Variants in PDIA2 observed in about 807,000 individuals in gnomAD.
PDIA2 encodes protein disulfide-isomerase A2.
Under a neutral mutation model 51.1 loss-of-function variants are expected in PDIA2, and 76 were observed. The observed-to-expected ratio is 1.49, with a 90% confidence interval of 1.24 to 1.80. PDIA2 has a LOEUF of 1.80. Among genes scored for constraint, PDIA2 ranks in the 40% most tolerant of loss-of-function variants. The pLI, the probability that PDIA2 is intolerant of heterozygous loss-of-function variation, is 0.00. For synonymous variants in PDIA2, 429 were observed against 309.9 expected, an observed-to-expected ratio of 1.38 and a Z score of -4.04; for missense variants, 946 against 706.5, an observed-to-expected ratio of 1.34 and a Z score of -3.84.
chr16:285,442 TGGGG>T lies in PDIA2; in HGVS notation c.921+8_921+11del. The T allele has an allele frequency of 8.6e-7, 1 of 1,156,934 alleles. No homozygotes were observed. The highest frequency in any genetic ancestry group is 1.6e-5 in the African/African-American group (1 of 61,192). 71.7% of individuals were successfully genotyped at this position (1,156,934 alleles called of 1,614,324 possible). A position where few individuals can be genotyped will look rare whatever the true frequency, so the allele number is the denominator to read the frequency against. ...GCTCCCCGCTTCCGGGGGCAGGTAC[TGGGG>T]GGCTGGGGGAAAGGGGCAGCGGGAG... is the stretch of plus-strand genomic sequence containing the variant. On this transcript the variant is annotated splice_donor_region_variant and intron_variant, in intron 6 of 10. Transcript: ENST00000219406.
chr16:283,546 G>C (rs932543931), intron 1 of PDIA2, among the ~76,000 whole-genome samples, 178 bp downstream of exon 1: 8 of 152,236 alleles, frequency 5.3e-5, no homozygotes, highest in Non-Finnish European at 1.0e-4. Context: ...GGTTGGGGCA[G>C]GCAGGAGCAG....
Position 284,608 on chromosome 16 carries a change from G to A in PDIA2, c.406+15G>A, listed in dbSNP as rs199533662. On this transcript the variant is annotated intron_variant, in intron 2 of 10. Coordinates refer to ENST00000219406, the MANE Select transcript of PDIA2 (RefSeq NM_006849.4). Reference sequence around the variant, plus strand: ...GGAGTACACAGGTGAGGGGCAGGCCGGTCATTGGGGGGGCGGTGGCCAGGC... The same window carrying A: ...GGAGTACACAGGTGAGGGGCAGGCCAGTCATTGGGGGGGCGGTGGCCAGGC... 7.2e-5 allele frequency: 116 copies of A among 1,607,144 alleles called. 1 individual carries two copies. The highest frequency in any genetic ancestry group is 8.9e-5 in the East Asian group (4 of 44,800).
intron 7 of PDIA2, 43 bp from the exon 8 acceptor site, chr16:286,310 T>C (rs1596948489): frequency 3.6e-6 from 4 of 1,125,936 alleles, no homozygotes; most frequent in Non-Finnish European, 3.5e-6. Flanking sequence ...TCCTGAACCC[T>C]GCAGAGGACC....
Position 285,166 on chromosome 16 carries a change from A to G in PDIA2, c.761A>G (p.His254Arg), listed in dbSNP as rs773839873. 6.2e-7 allele frequency: 1 copy of G among 1,612,868 alleles called. No homozygotes were observed. The highest frequency in any genetic ancestry group is 8.5e-7 in the Non-Finnish European group (1 of 1,179,974). ...LGDLSRFLVT[H>R]SMRLVTEFNS... ...GATCTGTCGCGCTTCCTGGTCACAC[A>G]CAGCATGCGCCTGGTCACGGAGTTC... The change falls in exon 5 of 11, where the codon CAC (histidine) becomes CGC (arginine). Residue 254 changes from histidine to arginine, a missense_variant. Coordinates refer to ENST00000219406, the MANE Select transcript of PDIA2 (RefSeq NM_006849.4).
Position 283,196 on chromosome 16 carries a change from G to A in PDIA2, c.27G>A (p.Leu9=), listed in dbSNP as rs1282810623. MSRQLLPV[L]LLLLLRASCP... ...TGAGCCGCCAGCTTCTGCCTGTACT[G>A]CTGCTGCTGCTGCTCAGGGCTTCGT... The change falls in exon 1 of 11, where the codon CTG becomes CTA. Residue 9 remains leucine, a synonymous_variant. Transcript: ENST00000219406. The A allele has an allele frequency of 3.2e-6, 5 of 1,557,624 alleles. No homozygotes were observed. The highest frequency in any genetic ancestry group is 1.9e-5 in the Admixed American group (1 of 53,342).
Position 286,872 on chromosome 16 carries a change from TC to T in PDIA2, c.1461del (p.Ser488ProfsTer66). ...AAAAGCACCAGGGACCTGGAGACTT[TC>T]TCCAAGTTCCTGGACAACGGGGGCG... ...EYKSTRDLET[F>X]SKFLDNGGVL... On this transcript the variant is annotated frameshift_variant, in exon 10 of 11. Coordinates refer to ENST00000219406, the MANE Select transcript of PDIA2 (RefSeq NM_006849.4). LOFTEE classifies it high-confidence loss of function. The T allele has an allele frequency of 6.2e-7, 1 of 1,607,424 alleles. No individual in the cohort carries two copies. Among genetic ancestry groups the T allele is most frequent in the South Asian group, 1.1e-5 (1 of 90,408 alleles).
Position 284,399 on chromosome 16 carries a change from G to A in PDIA2, c.212G>A (p.Cys71Tyr), listed in dbSNP as rs1212479825. The change falls in exon 2 of 11, where the codon TGT becomes TAT. Residue 71 changes from cysteine to tyrosine, a missense_variant. Coordinates refer to ENST00000219406, the MANE Select transcript of PDIA2 (RefSeq NM_006849.4). ...ALLVEFYAPW[C>Y]GHCQALAPEY... ...CCCCATCCCCCAGATGCCCCGTGGT[G>A]TGGGCACTGCCAGGCCCTGGCCCCC... 7.0e-6 allele frequency: 11 copies of A among 1,563,020 alleles called. No homozygotes were observed. The Admixed American group carries it at 1.7e-4, about 24-fold the overall frequency.
chr16:284,371 C>G lies in PDIA2; in HGVS notation c.200-16C>G. The G allele has an allele frequency of 6.5e-7, 1 of 1,539,186 alleles. No homozygotes were observed. Among genetic ancestry groups the G allele is most frequent in the South Asian group, 1.2e-5 (1 of 84,270 alleles). ...GGGTTGTGGTGGCCTGGGGCACTCA[C>G]GGCCCCATCCCCCAGATGCCCCGTG... On this transcript the variant is annotated splice_polypyrimidine_tract_variant and intron_variant, in intron 1 of 10. Coordinates refer to ENST00000219406, the MANE Select transcript of PDIA2 (RefSeq NM_006849.4).
At chr16:283,825 C>A (rs1010268909) in intron 1 of PDIA2, among the ~76,000 whole-genome samples, 3 of 152,136 alleles carry the variant, frequency 2.0e-5, no homozygotes, top group Non-Finnish European at 4.4e-5. Context: ...CACATGGGCC[C>A]GGGAGCCCCA....
chr16:283,673 A>G (rs1166059673), intron 1 of PDIA2, among the ~76,000 whole-genome samples: 1 of 152,194 alleles, frequency 6.6e-6, no homozygotes, highest in Non-Finnish European at 1.5e-5. Flanking sequence ...TGCCAGGGGC[A>G]TCCCACAGAC....
chr16:284,651 C>A lies in PDIA2; in HGVS notation c.407-8C>A. The A allele has an allele frequency of 1.3e-6, 2 of 1,597,942 alleles. No homozygotes were observed. Among genetic ancestry groups the A allele is most frequent in the Admixed American group, 1.7e-5 (1 of 58,512 alleles). Reference sequence around the variant, plus strand: ...GGCCAGGCCGAGGCTGAGGGGGACTCCCTGCAGGACCACGGGACGCTGAGG... The same window carrying A: ...GGCCAGGCCGAGGCTGAGGGGGACTACCTGCAGGACCACGGGACGCTGAGG... On this transcript the variant is annotated splice_polypyrimidine_tract_variant and splice_region_variant and intron_variant, in intron 2 of 10. Transcript: ENST00000219406.
At chr16:283,398 C>T (rs757703927) in intron 1 of PDIA2, 30 bp downstream of exon 1, 1 of 1,539,540 alleles carries the variant, frequency 6.5e-7, no homozygotes, top group Admixed American at 2.0e-5. Flanking sequence ...GGGCTGGGGA[C>T]CGGCGGGGGA....
rs115506610 is a variant in PDIA2, at chr16:284,464, A to G, written c.277A>G (p.Met93Val). The change falls in exon 2 of 11, where the codon ATG becomes GTG. Residue 93 changes from methionine (M) to valine (V), a missense_variant. Coordinates refer to ENST00000219406, the MANE Select transcript of PDIA2 (RefSeq NM_006849.4). ...AGCTGCCGTGCTCGCGGCCGAGTCA[A>G]TGGTGGTCACGCTGGCCAAGGTGGA... ...KAAAVLAAES[M>V]VVTLAKVDGP... 4.2e-3 allele frequency: 6,682 copies of G among 1,604,776 alleles called. 233 individuals carry two copies. In the African/African-American group the frequency reaches 0.079, roughly 19 times the overall value.
In PDIA2 at chr16:283,193, A is replaced by G; in HGVS notation, c.24A>G (p.Val8=). ...CCATGAGCCGCCAGCTTCTGCCTGT[A>G]CTGCTGCTGCTGCTGCTCAGGGCTT... MSRQLLP[V]LLLLLLRASC... The change falls in exon 1 of 11, where the codon GTA becomes GTG. Residue 8 remains valine (V), a synonymous_variant. Transcript: ENST00000219406. 1.3e-6 allele frequency: 2 copies of G among 1,592,788 alleles called. No homozygotes were observed. The highest frequency in any genetic ancestry group is 1.7e-6 in the Non-Finnish European group (2 of 1,169,948).
Position 284,391 on chromosome 16 carries a change from C to T in PDIA2, c.204C>T (p.Ala68=), listed in dbSNP as rs1456659404. The T allele has an allele frequency of 6.4e-7, 1 of 1,555,522 alleles. No individual in the cohort carries two copies. The highest frequency in any genetic ancestry group is 2.4e-5 in the East Asian group (1 of 42,212). The change falls in exon 2 of 11, where the codon GCC becomes GCT. Residue 68 remains alanine, a synonymous_variant. Coordinates refer to ENST00000219406, the MANE Select transcript of PDIA2 (RefSeq NM_006849.4). ...EHPALLVEFY[A]PWCGHCQALA... is the part of the protein sequence containing the mutation. ...ACTCACGGCCCCATCCCCCAGATGC[C>T]CCGTGGTGTGGGCACTGCCAGGCCC...
chr16:286,063 C>T (rs1391338165), intron 7 of PDIA2, among the ~76,000 whole-genome samples: 11 of 111,504 alleles, frequency 9.9e-5, no homozygotes, highest in African/African-American at 4.2e-4. Flanking sequence ...TCAACCCCAA[C>T]CCCACAGAGG....
chr16:285,856 T>G (rs1216795831), intron 7 of PDIA2, among the ~76,000 whole-genome samples, 153 bp downstream of exon 7: 1 of 111,484 alleles, frequency 9.0e-6, no homozygotes, highest in Non-Finnish European at 1.8e-5. Flanking sequence ...CCGGCGGTTC[T>G]CCCAACCCCA....
At chr16:284,180 G>T (rs1394931040) in intron 1 of PDIA2, 4 of 609,572 alleles carry the variant, frequency 6.6e-6, no homozygotes, top group Non-Finnish European at 1.2e-5. Context: ...GGGGGGAGGG[G>T]GGGTGGTCTT....
Position 285,132 on chromosome 16 carries a change from G to A in PDIA2, c.727G>A (p.Asp243Asn). 2 of 1,612,850 alleles carry A rather than the reference G, an allele frequency of 1.2e-6. No individual in the cohort carries two copies. Among genetic ancestry groups the A allele is most frequent in the Non-Finnish European group, 1.7e-6 (2 of 1,179,776 alleles). ...DFPVDEELGL[D>N]LGDLSRFLVT... ...CCCCGTGGACGAGGAGCTTGGCCTG[G>A]ACCTGGGGGATCTGTCGCGCTTCCT... The change falls in exon 5 of 11, where the codon GAC becomes AAC. Residue 243 changes from aspartate to asparagine, a missense_variant. Asp to Asn is a conservative substitution (Grantham distance 23). Coordinates refer to ENST00000219406, the MANE Select transcript of PDIA2 (RefSeq NM_006849.4).
Sources: allele counts gnomAD v4.1 joint callset (sites outside exome capture counted in the v4.1 genomes callset), GRCh38; gene constraint gnomAD v4.1.1; transcripts MANE v1.5; gene names NCBI Gene and HGNC (gene_info 2026-07-23, HGNC 2026-07-21).